Variants in S100Z observed in about 807,000 individuals in gnomAD.
S100Z encodes protein S100-Z.
Under a neutral mutation model 8.5 loss-of-function variants are expected in S100Z, and 11 were observed. That is an observed-to-expected ratio of 1.30 (90% confidence interval 0.82 to 2.15). The LOEUF (loss-of-function observed/expected upper bound fraction) is 2.15, where lower values mean the gene tolerates loss of function less well. Among genes scored for constraint, S100Z ranks in the 30% most tolerant of loss-of-function variants. The pLI, the probability that S100Z is intolerant of heterozygous loss-of-function variation, is 0.00. For missense variants in S100Z, 126 were observed against 117.9 expected, an observed-to-expected ratio of 1.07 and a Z score of -0.32; for synonymous variants, 34 against 43.8, an observed-to-expected ratio of 0.78 and a Z score of 0.89.
downstream of S100Z, among the ~76,000 whole-genome samples, chr5:76,923,857 C>T (rs1477503726): frequency 6.6e-6 from 1 of 152,164 alleles, no homozygotes; most frequent in African/African-American, 2.4e-5. Context: ...AGAAATGACA[C>T]TCCAAAATAT....
chr5:76,885,190 A>C lies in S100Z; in HGVS notation c.*2+7356A>C, dbSNP rs369231446. ...GAAGAGGTTTTAAGTTCTTGAGGAC[A>C]CAGGCTAAGGGAGAAGGAGGAATGG... is the stretch of plus-strand genomic sequence containing the variant. On this transcript the variant is annotated intron_variant, in intron 4 of 4. Transcript: ENST00000317593. Among the ~76,000 whole-genome samples, 50 of 152,316 alleles carry C rather than the reference A, an allele frequency of 3.3e-4. No individual in the cohort carries two copies. In the East Asian group the frequency reaches 9.1e-3, roughly 28 times the overall value.
intron 4 of S100Z, among the ~76,000 whole-genome samples, chr5:76,886,213 A>G (rs1398825007): frequency 6.6e-6 from 1 of 152,194 alleles, no homozygotes; most frequent in Non-Finnish European, 1.5e-5. Context: ...ATAATCAGGC[A>G]GGCGACCTGC....
At chr5:76,946,023 C>T in the S100Z span, among the ~76,000 whole-genome samples, 19 of 152,344 alleles carry the variant, frequency 1.2e-4, no homozygotes, top group African/African-American at 4.6e-4. Flanking sequence ...TATCCATCTG[C>T]AGGCATCTCG....
intron 4 of S100Z, among the ~76,000 whole-genome samples, chr5:76,888,319 T>G (rs1295171118): frequency 1.4e-5 from 2 of 141,716 alleles, no homozygotes; most frequent in Admixed American, 7.1e-5. Flanking sequence ...GGAAAAGGGG[T>G]CCTTGGGAAG....
intron 1 of S100Z, among the ~76,000 whole-genome samples, chr5:76,863,663 C>T (rs996198439): frequency 5.9e-5 from 9 of 151,988 alleles, no homozygotes; most frequent in Admixed American, 2.0e-4. Context: ...CTCAGCCTCC[C>T]AAGTAGCTGG....
At chr5:76,937,730 G>A in the S100Z span, among the ~76,000 whole-genome samples, 1 of 104,756 alleles carries the variant, frequency 9.5e-6, no homozygotes, top group Admixed American at 1.5e-4. Flanking sequence ...TCCAGGCTGG[G>A]CAACAATGCA....
intron 4 of S100Z, among the ~76,000 whole-genome samples, chr5:76,918,578 G>A (rs984101885): frequency 3.3e-5 from 5 of 152,150 alleles, no homozygotes; most frequent in Non-Finnish European, 7.4e-5. Context: ...AAGTTTAGTG[G>A]ATACACAGAG....
the S100Z span, among the ~76,000 whole-genome samples, chr5:76,945,142 T>C: frequency 1.3e-5 from 2 of 152,178 alleles, no homozygotes; most frequent in Non-Finnish European, 2.9e-5. Flanking sequence ...GTTTAAGGGA[T>C]CTAGGGCTGT....
chr5:76,883,521 G>A (rs1743487968), intron 4 of S100Z, among the ~76,000 whole-genome samples: 1 of 152,174 alleles, frequency 6.6e-6, no homozygotes, highest in Non-Finnish European at 1.5e-5. Context: ...TGAAAAGAAG[G>A]TAATGTGGAG....
chr5:76,862,537 G>A (rs535887284), intron 1 of S100Z, among the ~76,000 whole-genome samples: 1 of 152,252 alleles, frequency 6.6e-6, no homozygotes, highest in African/African-American at 2.4e-5. Context: ...GGTGGCTCAC[G>A]CCTGTAATCC....
intron 4 of S100Z, among the ~76,000 whole-genome samples, chr5:76,912,349 C>T (rs1338547712): frequency 6.6e-6 from 1 of 152,174 alleles, no homozygotes; most frequent in Non-Finnish European, 1.5e-5. Context: ...AGACTTATGC[C>T]ACCCGAGATG....
chr5:76,884,440 A>G (rs139086379), intron 4 of S100Z, among the ~76,000 whole-genome samples: 26 of 152,308 alleles, frequency 1.7e-4, no homozygotes, highest in African/African-American at 6.0e-4. Flanking sequence ...GGGCTGGAGA[A>G]AAAACTCTTT....
intron 4 of S100Z, among the ~76,000 whole-genome samples, chr5:76,898,928 C>CTTT (rs1744134915): frequency 2.7e-5 from 2 of 73,312 alleles, no homozygotes; most frequent in South Asian, 6.3e-4. Flanking sequence ...CTGGGCTTTT[C>CTTT]TTTTCTTTTT....
Position 76,910,956 on chromosome 5 carries a change from C to T in S100Z, c.*3-9761C>T, listed in dbSNP as rs991520040. Among the ~76,000 whole-genome samples the T allele has an allele frequency of 3.3e-5, 5 of 152,136 alleles. 1 individual carries two copies. The highest frequency in any genetic ancestry group is 3.3e-4 in the Admixed American group (5 of 15,270). ...GCCTTTCTTGTTATGCCTGAAAGTC[C>T]CACACCCTTATTAGGGAGGGATATA... is the stretch of plus-strand genomic sequence containing the variant. On this transcript the variant is annotated intron_variant, in intron 4 of 4. Transcript: ENST00000317593.
intron 4 of S100Z, among the ~76,000 whole-genome samples, chr5:76,907,699 A>G (rs879339184): frequency 6.6e-6 from 1 of 152,140 alleles, no homozygotes; most frequent in Non-Finnish European, 1.5e-5. Flanking sequence ...CTTTATTATT[A>G]TTTTTGATTG....
At chr5:76,947,093 G>A in the S100Z span, among the ~76,000 whole-genome samples, 111 of 152,302 alleles carry the variant, frequency 7.3e-4, no homozygotes, top group African/African-American at 2.6e-3. Flanking sequence ...AGAATTGTTG[G>A]TGGCCTGTTT....
intron 4 of S100Z, among the ~76,000 whole-genome samples, chr5:76,897,866 T>C (rs1439371810): frequency 6.6e-6 from 1 of 152,220 alleles, no homozygotes; most frequent in Non-Finnish European, 1.5e-5. Flanking sequence ...TGTTTATCAG[T>C]TCTAATAGTT....
At chr5:76,863,730 G>A (rs959189401) in intron 1 of S100Z, among the ~76,000 whole-genome samples, 11 of 151,994 alleles carry the variant, frequency 7.2e-5, no homozygotes, top group East Asian at 1.9e-4. Context: ...AGTAGAGACG[G>A]GGTTTCACCG....
intron 4 of S100Z, among the ~76,000 whole-genome samples, chr5:76,891,578 C>T (rs1743859247): frequency 6.6e-6 from 1 of 152,178 alleles, no homozygotes; most frequent in Non-Finnish European, 1.5e-5. Context: ...GCATTCCTAA[C>T]AAACTCCCAG....
Sources: allele counts gnomAD v4.1 joint callset (sites outside exome capture counted in the v4.1 genomes callset), GRCh38; gene constraint gnomAD v4.1.1; transcripts MANE v1.5; gene names NCBI Gene and HGNC (gene_info 2026-07-23, HGNC 2026-07-21).